ADAMTS9: variants seen among roughly 807,000 people sequenced by gnomAD.
ADAMTS9 encodes the protein ADAM metallopeptidase with thrombospondin type 1 motif 9.
In ADAMTS9, 107 loss-of-function variants were observed where a neutral mutation model predicts 257.1. The observed-to-expected ratio is 0.42, with a 90% CI of 0.36 to 0.49. The LOEUF (loss-of-function observed/expected upper bound fraction) is 0.49, where lower values mean the gene tolerates loss of function less well. ADAMTS9 is among the 20% of genes least tolerant of loss of function. The probability of loss-of-function intolerance (pLI) is 0.03; values close to 1 mark genes in which losing one functional copy is unlikely to be tolerated. For missense variants in ADAMTS9, 2,353 were observed against 2,469.1 expected (o/e 0.95, Z 1.00); for synonymous variants, 982 against 880.9 (o/e 1.11, Z -2.03).
intron 23 of ADAMTS9, 56 bp downstream of exon 23, chr3:64,606,904 C>T: frequency 2.5e-6 from 4 of 1,602,872 alleles, no homozygotes; most frequent in Non-Finnish European, 3.4e-6. Context: ...AACAGCTGGG[C>T]AGTTTGGTAC....
At chr3:64,647,276 A>G (rs1700820730) in intron 11 of ADAMTS9, among the ~76,000 whole-genome samples, 1 of 152,124 alleles carries the variant, frequency 6.6e-6, no homozygotes. Flanking sequence ...TATCACTAAC[A>G]TGTCACCAAT....
At chr3:64,635,751 G>C (rs779198985) in intron 12 of ADAMTS9, among the ~76,000 whole-genome samples, 2 of 152,154 alleles carry the variant, frequency 1.3e-5, no homozygotes, top group Non-Finnish European at 1.5e-5. Context: ...CTGTGTTTCA[G>C]AGTCTTTTTT....
chr3:64,555,090 T>A (rs1264507070), intron 30 of ADAMTS9, among the ~76,000 whole-genome samples: 2 of 152,206 alleles, frequency 1.3e-5, no homozygotes, highest in Non-Finnish European at 2.9e-5. Flanking sequence ...CCTTGTCTTC[T>A]CTAGTGCTGG....
At chr3:64,627,239 C>T (rs1167491441) in intron 16 of ADAMTS9, among the ~76,000 whole-genome samples, 1 of 152,092 alleles carries the variant, frequency 6.6e-6, no homozygotes, top group Non-Finnish European at 1.5e-5. Flanking sequence ...GCTTTGCTGA[C>T]TCAGGGCATT....
intron 19 of ADAMTS9, among the ~76,000 whole-genome samples, chr3:64,619,265 G>T (rs1358988084): frequency 6.6e-6 from 1 of 152,080 alleles, no homozygotes; most frequent in Non-Finnish European, 1.5e-5. Context: ...GAAAAAACAG[G>T]TAAGGGGCTC....
intron 18 of ADAMTS9, 27 bp from the exon 19 acceptor site, chr3:64,621,267 T>C (rs764937806): frequency 7.5e-6 from 12 of 1,597,162 alleles, no homozygotes; most frequent in Non-Finnish European, 1.0e-5. Flanking sequence ...AAAAAATTAT[T>C]CAGGGAAAAT....
chr3:64,598,995 T>G lies in ADAMTS9; in HGVS notation c.4018-2004A>C, dbSNP rs182265305. 3.8e-3 allele frequency among the ~76,000 whole-genome samples: 576 copies of G among 152,268 alleles called. 2 individuals are homozygous for G. The highest frequency in any genetic ancestry group is 5.8e-3 in the Non-Finnish European group (394 of 68,018). ...ACTCCATGGTATTCTCTCTCCAATA[T>G]GTCTGATGGGTGCAAGGATGAACAC... On this transcript the variant is annotated intron_variant, in intron 26 of 39. Coordinates refer to ENST00000498707, the MANE Select transcript of ADAMTS9 (RefSeq NM_182920.2).
At chr3:64,642,781 C>G (rs1185265646) in intron 11 of ADAMTS9, among the ~76,000 whole-genome samples, 2 of 152,158 alleles carry the variant, frequency 1.3e-5, no homozygotes, top group Non-Finnish European at 2.9e-5. Context: ...GGTGACGCCC[C>G]GCGGCTCGCT....
intron 38 of ADAMTS9, among the ~76,000 whole-genome samples, chr3:64,525,101 C>T (rs141509038): frequency 2.5e-3 from 382 of 152,298 alleles, no homozygotes; most frequent in Middle Eastern, 0.01. Context: ...ATGTCAGCTC[C>T]ATTATGACAA....
rs954308284 is a variant in ADAMTS9 at position 64,686,395 on chromosome 3, C to T, written c.516+173G>A. ...GGTGTGTGCGCTCCACGCCAGTGTACTCGCACGCACAGAGCTAGCTACCCA... is the reference window on the plus strand; with the variant it reads ...GGTGTGTGCGCTCCACGCCAGTGTATTCGCACGCACAGAGCTAGCTACCCA... On this transcript the variant is annotated intron_variant, in intron 2 of 39. Coordinates refer to ENST00000498707, the MANE Select transcript of ADAMTS9 (RefSeq NM_182920.2). This position sits in a 1 kb window ranked among gnomAD's most constrained non-coding sequence, Gnocchi z 4.6. 5.3e-5 allele frequency among the ~76,000 whole-genome samples: 8 copies of T among 152,260 alleles called. No homozygotes were observed. The highest frequency in any genetic ancestry group is 1.2e-4 in the Non-Finnish European group (8 of 68,050).
chr3:64,684,027 T>C (rs941556423), intron 2 of ADAMTS9, among the ~76,000 whole-genome samples: 1 of 151,892 alleles, frequency 6.6e-6, no homozygotes, highest in African/African-American at 2.4e-5. Context: ...TGAAGATGAG[T>C]GAGAAGACCA....
At chr3:64,518,692 G>A (rs1321437907) in intron 39 of ADAMTS9, among the ~76,000 whole-genome samples, 1 of 151,810 alleles carries the variant, frequency 6.6e-6, no homozygotes, top group Admixed American at 6.6e-5. Flanking sequence ...TGGCACAGTG[G>A]AGTGATTAAG....
chr3:64,609,753 G>C (rs2084631151), intron 22 of ADAMTS9, among the ~76,000 whole-genome samples: 1 of 152,094 alleles, frequency 6.6e-6, no homozygotes, highest in African/African-American at 2.4e-5. Context: ...AATCCTAATA[G>C]CATTTTTGCA....
chr3:64,686,216 G>A lies in ADAMTS9; in HGVS notation c.516+352C>T, dbSNP rs1701902315. 6.6e-6 allele frequency among the ~76,000 whole-genome samples: 1 copy of A among 152,228 alleles called. No homozygotes were observed. Among genetic ancestry groups the A allele is most frequent in the African/African-American group, 2.4e-5 (1 of 41,464 alleles). On this transcript the variant is annotated intron_variant, in intron 2 of 39. Transcript: ENST00000498707. The surrounding 1 kb of genome is among the most constrained non-coding windows in gnomAD (Gnocchi z 4.6). ...CCTGCGCTCAGCGGCTCCGCTCCCG[G>A]GTGGCCAAGTTTGCTGCAGGGAACC...
chr3:64,596,402 C>T (rs1373367214), intron 27 of ADAMTS9, among the ~76,000 whole-genome samples: 1 of 152,158 alleles, frequency 6.6e-6, no homozygotes, highest in African/African-American at 2.4e-5. Context: ...ATTATAACAC[C>T]TACTCAATCT....
chr3:64,673,321 T>A (rs1483966756), intron 3 of ADAMTS9, among the ~76,000 whole-genome samples: 3 of 152,218 alleles, frequency 2.0e-5, no homozygotes, highest in African/African-American at 7.2e-5. Flanking sequence ...AGTGGCTTAA[T>A]GGCCCAGGGG....
intron 28 of ADAMTS9, among the ~76,000 whole-genome samples, chr3:64,581,227 A>G (rs1050250721): frequency 3.3e-5 from 5 of 152,186 alleles, no homozygotes; most frequent in African/African-American, 1.2e-4. Flanking sequence ...GTGCCACATC[A>G]GGAAATGTAA....
intron 28 of ADAMTS9, among the ~76,000 whole-genome samples, chr3:64,580,448 C>G (rs1175183099): frequency 6.6e-6 from 1 of 152,184 alleles, no homozygotes; most frequent in African/African-American, 2.4e-5. Context: ...CCCACGAAGT[C>G]TAACTCTTAT....
chr3:64,682,334 A>G lies in ADAMTS9; in HGVS notation c.517-971T>C, dbSNP rs564516508. On this transcript the variant is annotated intron_variant, in intron 2 of 39. Transcript: ENST00000498707. ...CCTTGCAAAGGCTTAGAACTCGTGA[A>G]CGGTTTTTGGTGTTGCCAGTGTTAG... Among the ~76,000 whole-genome samples, 85 of 152,348 alleles carry G rather than the reference A, an allele frequency of 5.6e-4. No individual in the cohort carries two copies. In the Middle Eastern group the frequency reaches 0.02, roughly 37 times the overall value.
Sources: allele counts gnomAD v4.1 joint callset (sites outside exome capture counted in the v4.1 genomes callset), GRCh38; gene constraint gnomAD v4.1.1; non-coding constraint Gnocchi (gnomAD v3.1); transcripts MANE v1.5; gene names NCBI Gene and HGNC (gene_info 2026-07-23, HGNC 2026-07-21).